Variants in PROM1 observed in about 807,000 individuals in gnomAD.
The protein encoded by PROM1 is prominin-1.
Under a neutral mutation model 116.9 loss-of-function variants are expected in PROM1, and 105 were observed. The ratio of observed to expected loss-of-function variants is 0.90; its 90% confidence interval spans 0.77 to 1.06. PROM1 has a LOEUF of 1.06. PROM1 is among the 50% of genes least tolerant of loss of function. PROM1 has a pLI of 0.00. For synonymous variants in PROM1, 393 were observed against 387.0 expected, an observed-to-expected ratio of 1.02 and a Z score of -0.18; for missense variants, 1,122 against 1,045.2, an observed-to-expected ratio of 1.07 and a Z score of -1.01.
Position 16,082,930 on chromosome 4 carries a change from G to T in PROM1, c.-213+1048C>A, listed in dbSNP as rs1185137112. 2.0e-5 allele frequency among the ~76,000 whole-genome samples: 3 copies of T among 151,960 alleles called. No homozygotes were observed. The East Asian group carries it at 5.9e-4, about 30-fold the overall frequency. ...TCCGGTCGGCGTGTTCTGGCAGGGT[G>T]CGCCTTGAGCACCCCAGTTCTCCAT... On this transcript the variant is annotated intron_variant, in intron 1 of 27. Transcript: ENST00000447510.
intron 2 of PROM1, among the ~76,000 whole-genome samples, chr4:16,064,957 C>A (rs899519848): frequency 6.6e-6 from 1 of 152,124 alleles, no homozygotes; most frequent in African/African-American, 2.4e-5. Flanking sequence ...CAAGAATCTG[C>A]ATTTATAAAA....
chr4:16,025,722 C>CAT (rs1731096473), intron 5 of PROM1, among the ~76,000 whole-genome samples: 1 of 62,354 alleles, frequency 1.6e-5, no homozygotes, highest in Non-Finnish European at 2.7e-5. Flanking sequence ...CACACACGCA[C>CAT]ACACACACAC....
At chr4:15,999,593 G>C (rs758740522) in intron 14 of PROM1, among the ~76,000 whole-genome samples, 7 of 152,120 alleles carry the variant, frequency 4.6e-5, no homozygotes, top group Non-Finnish European at 8.8e-5. Context: ...CCGTACTTAA[G>C]AAAAATTATC....
Position 16,034,577 on chromosome 4 carries a change from G to A in PROM1, c.304-1068C>T, listed in dbSNP as rs1453033919. ...TAAACATATTTTCATAATCACTGCT[G>A]ACTTTATTCCGGGATAAACGAAAAT... On this transcript the variant is annotated intron_variant, in intron 4 of 27. Transcript: ENST00000447510. Among the ~76,000 whole-genome samples the A allele has an allele frequency of 2.6e-5, 4 of 152,106 alleles. No homozygotes were observed. In the East Asian group the frequency reaches 7.7e-4, roughly 29 times the overall value.
chr4:16,041,765 AATAAATAAATAAATAAATAAATAT>A (rs1187555927), intron 2 of PROM1, among the ~76,000 whole-genome samples: 3 of 106,998 alleles, frequency 2.8e-5, no homozygotes, highest in African/African-American at 9.9e-5. Flanking sequence ...TAAATAAATA[AATAAATAAATAAATAAATAAATAT>A]ATATATATAT....
chr4:16,022,053 A>C (rs1032353044), intron 8 of PROM1, among the ~76,000 whole-genome samples: 8 of 147,738 alleles, frequency 5.4e-5, no homozygotes, highest in Non-Finnish European at 1.2e-4. Context: ...GACAGGGGCC[A>C]GGTGTGCAAG....
At chr4:16,072,569 G>A (rs1440921508) in intron 2 of PROM1, among the ~76,000 whole-genome samples, 7 of 152,198 alleles carry the variant, frequency 4.6e-5, no homozygotes. Context: ...CTAACTTTGG[G>A]AGGAACTTAG....
chr4:16,029,541 T>C (rs1732164649), intron 5 of PROM1, among the ~76,000 whole-genome samples: 1 of 152,188 alleles, frequency 6.6e-6, no homozygotes, highest in African/African-American at 2.4e-5. Flanking sequence ...TATGTCAGTG[T>C]CTACGGAATT....
chr4:16,022,059 G>C (rs1432157738), intron 8 of PROM1, among the ~76,000 whole-genome samples: 1 of 151,364 alleles, frequency 6.6e-6, no homozygotes, highest in Non-Finnish European at 1.5e-5. Context: ...GGCCAGGTGT[G>C]CAAGGAAGAA....
chr4:15,979,559 G>A, intron 25 of PROM1, 96 bp from the exon 26 acceptor site: 2 of 1,436,470 alleles, frequency 1.4e-6, no homozygotes, highest in African/African-American at 2.9e-5. Flanking sequence ...GTCATGAAAA[G>A]TATGTAACAA....
At chr4:16,061,881 A>C (rs963450228) in intron 2 of PROM1, among the ~76,000 whole-genome samples, 2 of 142,356 alleles carry the variant, frequency 1.4e-5, no homozygotes, top group African/African-American at 2.6e-5. Context: ...GTGTGTTTAC[A>C]AATTTCCTTT....
At position 16,009,040 on chromosome 4, in the gene PROM1, C is replaced by T. The variant is rs1291197248; in HGVS notation, c.1210G>A (p.Asp404Asn). ...TAAACAGAGAATGCTGAGAGTATAT[C>T]CTGAATAGGAAGACGCTGAGTTACA... ...DNVTQRLPIQ[D>N]ILSAFSVYVN... is the part of the protein sequence containing the mutation. Residue 404 changes from aspartate (D) to asparagine (N), a missense_variant, in exon 12 of 28, where the codon GAT (aspartate) becomes AAT (asparagine). Asp to Asn is a conservative substitution (Grantham distance 23). Transcript: ENST00000447510. 5 of 1,605,728 alleles carry T rather than the reference C, an allele frequency of 3.1e-6. No homozygotes were observed. The Admixed American group carries it at 8.3e-5, about 27-fold the overall frequency.
chr4:16,060,618 T>C (rs1428713517), intron 2 of PROM1, among the ~76,000 whole-genome samples: 2 of 152,310 alleles, frequency 1.3e-5, no homozygotes, highest in East Asian at 3.9e-4. Flanking sequence ...TTTGTGGATG[T>C]TTATTTCCCA....
chr4:16,068,211 T>C (rs1281643179), intron 2 of PROM1, among the ~76,000 whole-genome samples: 1 of 152,180 alleles, frequency 6.6e-6, no homozygotes, highest in Non-Finnish European at 1.5e-5. Flanking sequence ...TTACCTTGGC[T>C]ATCTTAAATA....
At chr4:16,080,974 C>G (rs1190900203) in intron 1 of PROM1, among the ~76,000 whole-genome samples, 1 of 151,898 alleles carries the variant, frequency 6.6e-6, no homozygotes. Flanking sequence ...GGCTAGCCAG[C>G]CTTGCTGCCA....
chr4:16,000,514 C>A lies in PROM1; in HGVS notation c.1560G>T (p.Thr520=). Residue 520 remains threonine, a synonymous_variant, in exon 14 of 28, where the codon ACG becomes ACT. Coordinates refer to ENST00000447510, the MANE Select transcript of PROM1 (RefSeq NM_006017.3). ...NVEKLICEPY[T]SKELFRVLDT... is the part of the protein sequence containing the mutation. Reference sequence around the variant, plus strand: ...TATTTACCCGGAATAATTCCTTGCTCGTGTAAGGTTCACAGATCAGTTTTT... The same window carrying A: ...TATTTACCCGGAATAATTCCTTGCTAGTGTAAGGTTCACAGATCAGTTTTT... The A allele has an allele frequency of 6.3e-7, 1 of 1,592,950 alleles. No homozygotes were observed. Among genetic ancestry groups the A allele is most frequent in the Non-Finnish European group, 8.6e-7 (1 of 1,162,048 alleles).
intron 2 of PROM1, among the ~76,000 whole-genome samples, chr4:16,066,617 T>C (rs76066534): frequency 0.019 from 2,838 of 152,282 alleles, 93 homozygotes; most frequent in African/African-American, 0.064. Flanking sequence ...CATCCTGCTC[T>C]AGGCTCTGAC....
At chr4:15,999,655 T>G (rs1367095434) in intron 14 of PROM1, among the ~76,000 whole-genome samples, 1 of 152,146 alleles carries the variant, frequency 6.6e-6, no homozygotes, top group Non-Finnish European at 1.5e-5. Flanking sequence ...CTTGATGTCT[T>G]TCTTTTATCA....
chr4:16,013,443 T>A lies in PROM1; in HGVS notation c.1078-105A>T, dbSNP rs1256087606. 3 of 751,340 alleles carry A rather than the reference T, an allele frequency of 4.0e-6. No homozygotes were observed. In the African/African-American group the frequency reaches 5.1e-5, roughly 13 times the overall value. 46.5% of individuals were successfully genotyped at this position (751,340 alleles called of 1,614,324 possible). On this transcript the variant is annotated intron_variant, in intron 10 of 27. Coordinates refer to ENST00000447510, the MANE Select transcript of PROM1 (RefSeq NM_006017.3). ...TACGAGTAGAGAGGCAAAATAAAAA[T>A]ATAACATTCATCTTAAGGGTGAAAT... is the stretch of plus-strand genomic sequence containing the variant.
Sources: allele counts gnomAD v4.1 joint callset (sites outside exome capture counted in the v4.1 genomes callset), GRCh38; gene constraint gnomAD v4.1.1; transcripts MANE v1.5; gene names NCBI Gene and HGNC (gene_info 2026-07-23, HGNC 2026-07-21).